The following LTBP4 variants were observed in gnomAD, a reference collection of about 807,000 sequenced individuals.
LTBP4 encodes latent-transforming growth factor beta-binding protein 4.
LTBP4 carries 93 observed loss-of-function variants against 180.2 expected under a neutral mutation model. The ratio of observed to expected loss-of-function variants is 0.52; its 90% CI spans 0.44 to 0.61. LTBP4 has a LOEUF of 0.61. LTBP4 is among the 20% of genes least tolerant of loss of function. The pLI, the probability that LTBP4 is intolerant of heterozygous loss-of-function variation, is 0.00. For synonymous variants in LTBP4, 947 were observed against 934.5 expected (o/e 1.01, Z -0.24); for missense variants, 2,116 against 2,256.5 (o/e 0.94, Z 1.26).
intron 27 of LTBP4, 101 bp from the exon 28 acceptor site, chr19:40,626,874 C>A: frequency 7.2e-7 from 1 of 1,396,808 alleles, no homozygotes; most frequent in South Asian, 1.7e-5. Flanking sequence ...ACCCAGGACC[C>A]TCCCCATCCA....
At position 40,613,473 on chromosome 19, in the gene LTBP4, T is replaced by C. The variant is rs2081523163; in HGVS notation, c.2501T>C (p.Phe834Ser). 1.3e-6 allele frequency: 2 copies of C among 1,593,514 alleles called. No homozygotes were observed. The highest frequency in any genetic ancestry group is 1.7e-6 in the Non-Finnish European group (2 of 1,170,654). The stretch of plus-strand genomic sequence containing the variant: ...GAGTGCCTCAACACTGACGGCTCCT[T>C]TGCCTGTACTTGTGCCCCTGGCTAC... ...HGECLNTDGS[F>S]ACTCAPGYRP... Residue 834 changes from phenylalanine to serine, a missense_variant, in exon 17 of 30, where the codon TTT becomes TCT. By Grantham distance (155) the Phe-to-Ser change is radical (BLOSUM62 -2). Coordinates refer to ENST00000396819, the MANE Select transcript of LTBP4 (RefSeq NM_001042545.2). This position sits in a 1 kb window ranked among gnomAD's most constrained non-coding sequence, Gnocchi z 5.0.
chr19:40,620,647 A>C (rs1036416176), intron 22 of LTBP4, among the ~76,000 whole-genome samples: 2 of 151,056 alleles, frequency 1.3e-5, no homozygotes, highest in African/African-American at 4.9e-5. Flanking sequence ...GTAGTGGTGC[A>C]CGCCTGTAAT....
At chr19:40,627,936 T>G (rs1334902951) in intron 29 of LTBP4, 79 bp downstream of exon 29, 1 of 1,488,794 alleles carries the variant, frequency 6.7e-7, no homozygotes, top group Non-Finnish European at 9.0e-7. Context: ...GACTAGGGGG[T>G]GCTGGTCAGG....
Position 40,629,416 on chromosome 19 carries a change from G to A in LTBP4, c.4540G>A (p.Ala1514Thr), listed in dbSNP as rs374995014. The A allele has an allele frequency of 2.5e-6, 4 of 1,612,934 alleles. No homozygotes were observed. The highest frequency in any genetic ancestry group is 3.4e-6 in the Non-Finnish European group (4 of 1,179,588). Residue 1514 changes from alanine to threonine, a missense_variant, in exon 30 of 30, where the codon GCC (alanine) becomes ACC (threonine). Around this residue, in one of 5 missense-constraint regions of LTBP4, gnomAD observed 488 missense variants for 458.8 expected, o/e 1.06. Coordinates refer to ENST00000396819, the MANE Select transcript of LTBP4 (RefSeq NM_001042545.2). The surrounding 1 kb of genome is among the most constrained non-coding windows in gnomAD (Gnocchi z 4.5). ...ACVDINECDEAEAASPLCVNA... is the reference protein window; with the variant it reads ...ACVDINECDETEAASPLCVNA... The stretch of plus-strand genomic sequence containing the variant: ...CGCAGACATCAACGAGTGTGATGAG[G>A]CCGAGGCTGCCTCCCCGCTGTGCGT...
In LTBP4 at chr19:40,609,907, C is replaced by G; in HGVS notation, c.1684+36C>G. 6.7e-7 allele frequency: 1 copy of G among 1,493,826 alleles called. No homozygotes were observed. 92.5% of individuals were successfully genotyped at this position (1,493,826 alleles called of 1,614,324 possible). On this transcript the variant is annotated intron_variant, in intron 11 of 29. Coordinates refer to ENST00000396819, the MANE Select transcript of LTBP4 (RefSeq NM_001042545.2). The surrounding 1 kb of genome is among the most constrained non-coding windows in gnomAD (Gnocchi z 4.9). Reference sequence around the variant, plus strand: ...TGCCCCACCCGGCTCCAGGCCCACCCCAGGGTCTCGCTCCTGCTCTCACTC... The same window carrying G: ...TGCCCCACCCGGCTCCAGGCCCACCGCAGGGTCTCGCTCCTGCTCTCACTC...
In LTBP4 at chr19:40,608,352, C is replaced by A. The variant is rs1366971976; in HGVS notation, c.1289C>A (p.Thr430Asn). Residue 430 changes from threonine to asparagine, a missense_variant, in exon 8 of 30, where the codon ACC becomes AAC. By Grantham distance (65) the Thr-to-Asn change is moderately conservative (BLOSUM62 0). Coordinates refer to ENST00000396819, the MANE Select transcript of LTBP4 (RefSeq NM_001042545.2). ...SLSQPRTLPATSRPSAGFLPT... is the reference protein window; with the variant it reads ...SLSQPRTLPANSRPSAGFLPT... ...AGCCAGCCTCGTACCCTGCCAGCCACCTCTCGGCCATCTGCAGGTGAGCTG... is the reference window on the plus strand; with the variant it reads ...AGCCAGCCTCGTACCCTGCCAGCCAACTCTCGGCCATCTGCAGGTGAGCTG... 1 of 1,613,224 alleles carries A rather than the reference C, an allele frequency of 6.2e-7. No homozygotes were observed.
At chr19:40,615,205 G>GGGA in intron 19 of LTBP4, 1 of 147,076 alleles carries the variant, frequency 6.8e-6, no homozygotes, top group Non-Finnish European at 1.5e-5. Flanking sequence ...GGGGGGGGGG[G>GGGA]GCGGTGATGG....
At position 40,613,259 on chromosome 19, in the gene LTBP4, G is replaced by A. The variant is rs2081520989; in HGVS notation, c.2431+63G>A. On this transcript the variant is annotated intron_variant, in intron 16 of 29. Transcript: ENST00000396819. This position sits in a 1 kb window ranked among gnomAD's most constrained non-coding sequence, Gnocchi z 5.0. ...AGGGCCTGGGTTCCAGGGCAAAGCC[G>A]GCTGGAAAGGTGGAGGCGGGACCAA... 3 of 1,543,046 alleles carry A rather than the reference G, an allele frequency of 1.9e-6. No homozygotes were observed. The highest frequency in any genetic ancestry group is 4.9e-5 in the East Asian group (2 of 40,834).
In LTBP4 at chr19:40,613,862, G is replaced by T; in HGVS notation, c.2558-54G>T. The T allele has an allele frequency of 6.2e-7, 1 of 1,610,546 alleles. No homozygotes were observed. On this transcript the variant is annotated intron_variant, in intron 17 of 29. Coordinates refer to ENST00000396819, the MANE Select transcript of LTBP4 (RefSeq NM_001042545.2). The surrounding 1 kb of genome is among the most constrained non-coding windows in gnomAD (Gnocchi z 5.0). ...AGGGGCGGTGGAGGGGTGTGGCCTA[G>T]AATGTTAGGCGGAGCGGGAGGTGGG...
At chr19:40,603,410 C>G (rs2081437372) in intron 1 of LTBP4, among the ~76,000 whole-genome samples, 1 of 152,138 alleles carries the variant, frequency 6.6e-6, no homozygotes, top group Non-Finnish European at 1.5e-5. Context: ...CTGATGACTT[C>G]CAGGAATTCC....
At chr19:40,623,083 G>A in intron 24 of LTBP4, 62 bp downstream of exon 24, 2 of 1,332,210 alleles carry the variant, frequency 1.5e-6, no homozygotes, top group Non-Finnish European at 2.1e-6. Flanking sequence ...GTCTCTTCCT[G>A]TTTTCTTTGC....
intron 19 of LTBP4, among the ~76,000 whole-genome samples, chr19:40,615,007 C>G (rs1326669056): frequency 1.3e-5 from 2 of 152,142 alleles, no homozygotes; most frequent in Non-Finnish European, 2.9e-5. Context: ...GCTCGGATGG[C>G]TCCAGTCTCT....
At chr19:40,624,118 T>G (rs1376371523) in intron 26 of LTBP4, 36 bp downstream of exon 26, 3 of 1,489,778 alleles carry the variant, frequency 2.0e-6, no homozygotes, top group East Asian at 2.5e-5. Flanking sequence ...CCTCCTTCCC[T>G]TGGCTCGGCC....
intron 11 of LTBP4, chr19:40,610,232 C>A: frequency 2.0e-6 from 1 of 506,232 alleles, no homozygotes; most frequent in Non-Finnish European, 3.5e-6. Context: ...GACCGCGACC[C>A]CGATTCCAAC....
upstream of LTBP4, chr19:40,600,198 T>C (rs1394513730): frequency 1.5e-5 from 18 of 1,229,778 alleles, no homozygotes; most frequent in Non-Finnish European, 1.8e-5. The surrounding 1 kb of genome is among the most constrained non-coding windows in gnomAD (Gnocchi z 4.4). Context: ...CCGCCTTTCC[T>C]CCGCCTGGGG....
At chr19:40,600,702 A>T (rs564128259), upstream of LTBP4, among the ~76,000 whole-genome samples, 3 of 151,522 alleles carry the variant, frequency 2.0e-5, no homozygotes, top group Non-Finnish European at 4.4e-5. The surrounding 1 kb of genome is among the most constrained non-coding windows in gnomAD (Gnocchi z 4.4). Flanking sequence ...CCCTCCCCCT[A>T]AAGTCTTCCA....
rs573310430 is a variant in LTBP4 at position 40,616,936 on chromosome 19, C to T, written c.2860C>T (p.Arg954Cys). Residue 954 changes from arginine (R) to cysteine (C), a missense_variant, in exon 20 of 30, where the codon CGT (arginine) becomes TGT (cysteine). Physicochemically the swap from Arg to Cys is radical, Grantham distance 180. Around this residue, in one of 5 missense-constraint regions of LTBP4, gnomAD observed 877 missense variants for 873.6 expected, o/e 1.00. Transcript: ENST00000396819. The stretch of plus-strand genomic sequence containing the variant: ...TGGTCCCGAGATTTGTGGAGCCCAG[C>T]GTTGTGAGAACACCCCTGGCTCCTA... ...EYGPEICGAQ[R>C]CENTPGSYRC... is the part of the protein sequence containing the mutation. 34 of 1,614,004 alleles carry T rather than the reference C, an allele frequency of 2.1e-5. No individual in the cohort carries two copies. Among genetic ancestry groups the T allele is most frequent in the African/African-American group, 2.0e-4 (15 of 75,030 alleles).
Position 40,609,038 on chromosome 19 carries a change from G to C in LTBP4, c.1426+435G>C, listed in dbSNP as rs933907123. On this transcript the variant is annotated intron_variant, in intron 9 of 29. Coordinates refer to ENST00000396819, the MANE Select transcript of LTBP4 (RefSeq NM_001042545.2). The surrounding 1 kb of genome is among the most constrained non-coding windows in gnomAD (Gnocchi z 4.9). ...TATGGGCAGAGATAAGCGTTTGAAG[G>C]GTTGGGTGGTAGTTAGATCAGGAGC... The C allele has an allele frequency of 3.8e-5, 7 of 185,672 alleles. No homozygotes were observed. Among genetic ancestry groups the C allele is most frequent in the Non-Finnish European group, 5.7e-5 (5 of 88,226 alleles). The allele number at this position is 185,672 out of a possible 1,614,324, so 11.5% of individuals were successfully genotyped here.
chr19:40,601,741 T>A, intron 1 of LTBP4, 104 bp downstream of exon 1: 1 of 901,186 alleles, frequency 1.1e-6, no homozygotes, highest in Non-Finnish European at 1.5e-6. Context: ...AGATTCCATA[T>A]GCAATAGTGC....
Sources: allele counts gnomAD v4.1 joint callset (sites outside exome capture counted in the v4.1 genomes callset), GRCh38; gene constraint gnomAD v4.1.1; regional missense constraint gnomAD v4.1.1; non-coding constraint Gnocchi (gnomAD v3.1); transcripts MANE v1.5; gene names NCBI Gene and HGNC (gene_info 2026-07-23, HGNC 2026-07-21).